The following FHIT variants were observed in gnomAD, a reference collection of about 807,000 sequenced individuals.
FHIT encodes fragile histidine triad diadenosine triphosphatase, also known as bis(5'-adenosyl)-triphosphatase.
Under a neutral mutation model 17.9 loss-of-function variants are expected in FHIT, and 19 were observed. The ratio of observed to expected loss-of-function variants is 1.06; its 90% CI spans 0.74 to 1.56. The LOEUF (loss-of-function observed/expected upper bound fraction) is 1.56. FHIT is among the 40% of genes most tolerant of loss of function. FHIT has a pLI of 0.00. For missense variants in FHIT, 248 were observed against 189.2 expected (o/e 1.31, Z -1.82); for synonymous variants, 81 against 69.7 (o/e 1.16, Z -0.81).
At chr3:59,880,017 AAGAC>A (rs1476136581) in intron 8 of FHIT, among the ~76,000 whole-genome samples, 1 of 151,324 alleles carries the variant, frequency 6.6e-6, no homozygotes, top group Non-Finnish European at 1.5e-5. Flanking sequence ...GAGGTAATCA[AAGAC>A]AGAACACAAG....
intron 7 of FHIT, among the ~76,000 whole-genome samples, chr3:59,946,555 G>A (rs1222250732): frequency 6.6e-6 from 1 of 152,152 alleles, no homozygotes; most frequent in Non-Finnish European, 1.5e-5. Context: ...CCAGTACTAT[G>A]TTGAAAAGGA....
chr3:60,803,137 T>A (rs1447925), intron 4 of FHIT, among the ~76,000 whole-genome samples: 3,075 of 152,118 alleles, frequency 0.02, 56 homozygotes, highest in Non-Finnish European at 0.033. Flanking sequence ...TTCCGGTTAG[T>A]ACTTACTGGG....
At chr3:60,405,755 C>G (rs989290000) in intron 5 of FHIT, among the ~76,000 whole-genome samples, 1 of 152,190 alleles carries the variant, frequency 6.6e-6, no homozygotes, top group Non-Finnish European at 1.5e-5. Flanking sequence ...GTGCTACAGG[C>G]ATCTACTGAG....
intron 2 of FHIT, among the ~76,000 whole-genome samples, chr3:61,076,447 T>C (rs1220240024): frequency 1.1e-4 from 17 of 152,130 alleles, no homozygotes; most frequent in Admixed American, 1.1e-3. Flanking sequence ...GACATGTCTC[T>C]TGAGGACTCT....
At chr3:60,769,663 T>C (rs1340562692) in intron 4 of FHIT, among the ~76,000 whole-genome samples, 1 of 152,036 alleles carries the variant, frequency 6.6e-6, no homozygotes, top group African/African-American at 2.4e-5. Context: ...ATAGAAACAG[T>C]GAGATTGGTT....
intron 5 of FHIT, among the ~76,000 whole-genome samples, chr3:60,421,824 T>A (rs1178684337): frequency 6.6e-6 from 1 of 152,108 alleles, no homozygotes; most frequent in Non-Finnish European, 1.5e-5. Flanking sequence ...AAAATACAGC[T>A]TTTGTTGTAT....
Position 60,144,417 on chromosome 3 carries a change from G to A in FHIT, c.104-130265C>T, listed in dbSNP as rs766867901. 1.0e-3 allele frequency among the ~76,000 whole-genome samples: 153 copies of A among 152,196 alleles called. 8 individuals carry two copies. The highest frequency in any genetic ancestry group is 3.2e-4 in the Non-Finnish European group (22 of 68,014). ...ATTTCTCCAACCAACTTTGCCTTTT[G>A]CTTTTACAGGCAAGTATTCTGGAGC... On this transcript the variant is annotated intron_variant, in intron 5 of 9. Transcript: ENST00000492590.
At chr3:61,016,974 G>C (rs1189216861) in intron 3 of FHIT, among the ~76,000 whole-genome samples, 1 of 151,856 alleles carries the variant, frequency 6.6e-6, no homozygotes, top group Admixed American at 6.6e-5. Flanking sequence ...TGCAAGAGTA[G>C]TAATGAGAGC....
At chr3:60,614,056 G>A (rs1412930468) in intron 4 of FHIT, among the ~76,000 whole-genome samples, 1 of 152,066 alleles carries the variant, frequency 6.6e-6, no homozygotes, top group Admixed American at 6.6e-5. Context: ...TGGAGAAAGA[G>A]AAATACAAGG....
chr3:59,826,526 T>C (rs1173995276), intron 8 of FHIT, among the ~76,000 whole-genome samples: 3 of 152,370 alleles, frequency 2.0e-5, no homozygotes, highest in Non-Finnish European at 4.4e-5. Flanking sequence ...GTGAGGCATA[T>C]GGTGGGTATT....
At chr3:60,919,232 C>A (rs1055948458) in intron 3 of FHIT, among the ~76,000 whole-genome samples, 3 of 152,122 alleles carry the variant, frequency 2.0e-5, no homozygotes, top group Admixed American at 2.0e-4. Flanking sequence ...TGAAAACACA[C>A]GCGTTATATT....
At chr3:60,644,423 A>G (rs2039803199) in intron 4 of FHIT, among the ~76,000 whole-genome samples, 1 of 152,234 alleles carries the variant, frequency 6.6e-6, no homozygotes, top group East Asian at 1.9e-4. Flanking sequence ...ACTGAAAAAA[A>G]TGGTTCTATT....
At chr3:60,099,097 G>A (rs1372513317) in intron 5 of FHIT, among the ~76,000 whole-genome samples, 1 of 152,058 alleles carries the variant, frequency 6.6e-6, no homozygotes, top group Non-Finnish European at 1.5e-5. Flanking sequence ...CTCCCACTGT[G>A]CCTAAAACCC....
chr3:59,886,035 G>A (rs1325033330), intron 8 of FHIT, among the ~76,000 whole-genome samples: 2 of 152,192 alleles, frequency 1.3e-5, no homozygotes, highest in Non-Finnish European at 2.9e-5. Context: ...ATTCCATTGG[G>A]CAAGCTCTGA....
intron 1 of FHIT, among the ~76,000 whole-genome samples, chr3:61,219,051 T>C (rs751140527): frequency 3.9e-5 from 6 of 152,234 alleles, no homozygotes; most frequent in Non-Finnish European, 5.9e-5. Context: ...CTATATGGTA[T>C]AGCCTATTGC....
chr3:60,288,791 C>A (rs546285833), intron 5 of FHIT, among the ~76,000 whole-genome samples: 230 of 152,104 alleles, frequency 1.5e-3, no homozygotes, highest in African/African-American at 5.3e-3. Flanking sequence ...ATATTTGTTT[C>A]TTTATTAAGA....
Position 60,047,772 on chromosome 3 carries a change from C to A in FHIT, c.104-33620G>T, listed in dbSNP as rs887039043. Among the ~76,000 whole-genome samples the A allele has an allele frequency of 2.6e-5, 4 of 152,214 alleles. No homozygotes were observed. The South Asian group carries it at 8.3e-4, about 31-fold the overall frequency. ...ATTATTCCCCACTTCATGGACCACT[C>A]AGTGCCATACTAAGAGTCCCAGAGC... On this transcript the variant is annotated intron_variant, in intron 5 of 9. Coordinates refer to ENST00000492590, the MANE Select transcript of FHIT (RefSeq NM_002012.4).
At chr3:60,851,644 T>C (rs1361971050) in intron 3 of FHIT, among the ~76,000 whole-genome samples, 2 of 152,170 alleles carry the variant, frequency 1.3e-5, no homozygotes, top group African/African-American at 2.4e-5. Flanking sequence ...CACTCATTTA[T>C]GTCATAAAGT....
intron 2 of FHIT, among the ~76,000 whole-genome samples, chr3:61,067,484 C>T (rs1575952434): frequency 6.6e-6 from 1 of 151,302 alleles, no homozygotes; most frequent in Non-Finnish European, 1.5e-5. Context: ...GTATTGCCAA[C>T]CCAAGAAGCT....
Sources: allele counts gnomAD v4.1 joint callset (sites outside exome capture counted in the v4.1 genomes callset), GRCh38; gene constraint gnomAD v4.1.1; transcripts MANE v1.5; gene names NCBI Gene and HGNC (gene_info 2026-07-23, HGNC 2026-07-21).